CATSPERE: variants seen among roughly 807,000 people sequenced by gnomAD.
CATSPERE encodes catsper channel auxiliary subunit epsilon, also known as cation channel sperm-associated auxiliary subunit epsilon.
CATSPERE carries 93 observed loss-of-function variants against 114.1 expected under a neutral mutation model. The ratio of observed to expected loss-of-function variants is 0.81; its 90% CI spans 0.69 to 0.97. CATSPERE has a LOEUF of 0.97. CATSPERE is among the 50% of genes least tolerant of loss of function. The pLI is 0.00. For missense variants in CATSPERE, 1,058 were observed against 1,131.6 expected (o/e 0.93, Z 0.93); for synonymous variants, 341 against 384.1 (o/e 0.89, Z 1.31).
intron 20 of CATSPERE, among the ~76,000 whole-genome samples, chr1:244,626,266 G>A (rs777383953): frequency 1.3e-4 from 20 of 151,822 alleles, no homozygotes; most frequent in Non-Finnish European, 1.3e-4. Flanking sequence ...GTGGGTGGTC[G>A]CCTGGGATCA....
intron 7 of CATSPERE, among the ~76,000 whole-genome samples, chr1:244,513,513 G>A (rs935767940): frequency 4.6e-5 from 7 of 152,224 alleles, no homozygotes; most frequent in Non-Finnish European, 1.0e-4. Context: ...CACTGGCAGC[G>A]GCAGTTGGGG....
intron 12 of CATSPERE, among the ~76,000 whole-genome samples, chr1:244,583,525 C>G (rs1445734640): frequency 6.6e-6 from 1 of 152,170 alleles, no homozygotes; most frequent in Non-Finnish European, 1.5e-5. Flanking sequence ...GTCGAGATGT[C>G]TGCAGCAGAG....
chr1:244,566,890 G>A (rs1162412138), intron 10 of CATSPERE, among the ~76,000 whole-genome samples: 2 of 151,790 alleles, frequency 1.3e-5, no homozygotes, highest in Non-Finnish European at 2.9e-5. Context: ...TTTTCATTAT[G>A]ATGCTAGCTG....
upstream of CATSPERE, among the ~76,000 whole-genome samples, chr1:244,458,613 C>T (rs1482362024): frequency 6.6e-6 from 1 of 152,156 alleles, no homozygotes; most frequent in Non-Finnish European, 1.5e-5. Context: ...GTCGAGAGAA[C>T]TTATTTCTTT....
intron 20 of CATSPERE, 85 bp downstream of exon 20, chr1:244,617,771 A>G (rs1023361418): frequency 7.1e-6 from 8 of 1,130,868 alleles, no homozygotes; most frequent in African/African-American, 5.0e-5. Context: ...TATACATTCA[A>G]TCATTGTTAT....
intron 7 of CATSPERE, among the ~76,000 whole-genome samples, chr1:244,514,925 A>G (rs1289569659): frequency 6.6e-6 from 1 of 152,094 alleles, no homozygotes; most frequent in Non-Finnish European, 1.5e-5. Context: ...TCAATTTCCT[A>G]GTTTAGACAA....
chr1:244,584,540 A>ATAT (rs548449574), intron 13 of CATSPERE, among the ~76,000 whole-genome samples: 54 of 118,898 alleles, frequency 4.5e-4, no homozygotes, highest in Middle Eastern at 3.7e-3. Context: ...TTACTATATT[A>ATAT]TATATTATAT....
At chr1:244,513,365 G>T (rs1317955734) in intron 7 of CATSPERE, among the ~76,000 whole-genome samples, 3 of 152,124 alleles carry the variant, frequency 2.0e-5, no homozygotes, top group Non-Finnish European at 4.4e-5. Context: ...CTATTCTCAG[G>T]CCCCTGAAAG....
At chr1:244,600,903 A>T (rs1669117765) in intron 17 of CATSPERE, among the ~76,000 whole-genome samples, 1 of 152,240 alleles carries the variant, frequency 6.6e-6, no homozygotes, top group Admixed American at 6.5e-5. Flanking sequence ...ATTTAAGGAA[A>T]CGGACCCCCA....
chr1:244,544,169 A>C (rs1483879888), intron 8 of CATSPERE, among the ~76,000 whole-genome samples: 2 of 152,150 alleles, frequency 1.3e-5, no homozygotes, highest in African/African-American at 2.4e-5. Context: ...TTCAGGAAGG[A>C]CCTTTATACA....
chr1:244,489,197 C>G (rs1284584222), intron 5 of CATSPERE, among the ~76,000 whole-genome samples: 1 of 152,164 alleles, frequency 6.6e-6, no homozygotes, highest in African/African-American at 2.4e-5. Context: ...CTCCTGGGCT[C>G]AAGCAGTCCT....
At chr1:244,580,984 AGAGT>A (rs914529395) in intron 11 of CATSPERE, among the ~76,000 whole-genome samples, 1 of 151,970 alleles carries the variant, frequency 6.6e-6, no homozygotes, top group African/African-American at 2.4e-5. Context: ...CTGGGCGACA[AGAGT>A]GAAACTCCAT....
intron 14 of CATSPERE, among the ~76,000 whole-genome samples, chr1:244,590,272 A>C (rs1008743223): frequency 6.6e-6 from 1 of 152,118 alleles, no homozygotes; most frequent in Non-Finnish European, 1.5e-5. Flanking sequence ...CCTTAAAATA[A>C]CTCCTTACCT....
chr1:244,451,455 G>T (rs1046943182), upstream of CATSPERE, among the ~76,000 whole-genome samples: 1 of 152,190 alleles, frequency 6.6e-6, no homozygotes, highest in Non-Finnish European at 1.5e-5. This position sits in a 1 kb window ranked among gnomAD's most constrained non-coding sequence, Gnocchi z 6.6. Context: ...CAGGTCAGGG[G>T]TCCCCGACCT....
At position 244,461,311 on chromosome 1, in the gene CATSPERE, T is replaced by G. The variant is rs988134015; in HGVS notation, c.-119T>G. 32 of 855,198 alleles carry G rather than the reference T, an allele frequency of 3.7e-5. 1 individual carries two copies. The East Asian group carries it at 6.0e-4, about 16-fold the overall frequency. 53.0% of individuals were successfully genotyped at this position (855,198 alleles called of 1,614,324 possible). A position where few individuals can be genotyped will look rare whatever the true frequency, so the allele number is the denominator to read the frequency against. ...GCTGGTCTTCAGGCCCGGCCCGCCC[T>G]GTCCAGAGGCGCCGGGACCCAGGCG... is the stretch of plus-strand genomic sequence containing the variant. On this transcript the variant is annotated 5_prime_UTR_variant, in exon 1 of 22. Coordinates refer to ENST00000366534, the MANE Select transcript of CATSPERE (RefSeq NM_001130957.2).
chr1:244,492,823 C>T (rs1308369388), intron 6 of CATSPERE, among the ~76,000 whole-genome samples: 1 of 147,712 alleles, frequency 6.8e-6, no homozygotes, highest in Non-Finnish European at 1.5e-5. Context: ...AGAGCCAAAT[C>T]ATGAGTGAAC....
intron 19 of CATSPERE, among the ~76,000 whole-genome samples, chr1:244,615,805 T>A (rs537723791): frequency 6.6e-6 from 1 of 152,058 alleles, no homozygotes; most frequent in East Asian, 1.9e-4. Flanking sequence ...ACCTCGCATC[T>A]GAATAAAACA....
intron 9 of CATSPERE, among the ~76,000 whole-genome samples, chr1:244,553,453 TG>T (rs1475307823): frequency 6.6e-6 from 1 of 150,492 alleles, no homozygotes; most frequent in Non-Finnish European, 1.5e-5. Context: ...GTGCCTGTAG[TG>T]GTGGGTGTCT....
chr1:244,558,820 A>G (rs529869561), intron 9 of CATSPERE, among the ~76,000 whole-genome samples: 36 of 151,530 alleles, frequency 2.4e-4, no homozygotes, highest in African/African-American at 7.8e-4. Context: ...CTCTGTCCCA[A>G]TTCTGTCAGG....
Sources: gnomAD v4.1 joint callset for allele counts (sites outside exome capture counted in the v4.1 genomes callset) on GRCh38, gnomAD v4.1.1 for gene constraint, Gnocchi (gnomAD v3.1) non-coding constraint, MANE v1.5 for transcripts, NCBI Gene and HGNC (gene_info 2026-07-23, HGNC 2026-07-21) for gene names.